ATP2B2: variants seen among roughly 807,000 people sequenced by gnomAD.
ATP2B2 encodes ATPase plasma membrane Ca2+ transporting 2, also known as plasma membrane calcium-transporting ATPase 2.
A neutral mutation model predicts 120.0 loss-of-function variants in ATP2B2; 15 were observed. The ratio of observed to expected loss-of-function variants is 0.12; its 90% CI spans 0.08 to 0.19. ATP2B2 has a LOEUF of 0.19. Among genes scored for constraint, ATP2B2 ranks in the 10% least tolerant of loss-of-function variants. The pLI is 1.00. For synonymous variants in ATP2B2, 694 were observed against 700.3 expected (o/e 0.99, Z 0.14); for missense variants, 1,045 against 1,719.8 (o/e 0.61, Z 6.94).
intron 2 of ATP2B2, among the ~76,000 whole-genome samples, chr3:10,435,767 G>A (rs2063461787): frequency 6.6e-6 from 1 of 152,084 alleles, no homozygotes; most frequent in Non-Finnish European, 1.5e-5. Flanking sequence ...TCTCCTGGCT[G>A]GGTCCTTCAG....
intron 1 of ATP2B2, among the ~76,000 whole-genome samples, chr3:10,676,025 T>C (rs1401372368): frequency 6.6e-6 from 1 of 152,232 alleles, no homozygotes; most frequent in Non-Finnish European, 1.5e-5. Flanking sequence ...TACTTGTGAA[T>C]GTATGTATTT....
At chr3:10,438,866 G>A (rs1460198657) in intron 2 of ATP2B2, among the ~76,000 whole-genome samples, 1 of 152,224 alleles carries the variant, frequency 6.6e-6, no homozygotes, top group Non-Finnish European at 1.5e-5. Context: ...AGGCCCGTGT[G>A]ACAGATGAGG....
At chr3:10,700,685 A>T (rs532106592) in intron 1 of ATP2B2, among the ~76,000 whole-genome samples, 2 of 152,388 alleles carry the variant, frequency 1.3e-5, no homozygotes, top group South Asian at 4.1e-4. Context: ...CCCTACTGGC[A>T]TCTGTTAGAA....
chr3:10,486,621 A>G (rs2065684227), intron 1 of ATP2B2, among the ~76,000 whole-genome samples: 1 of 152,108 alleles, frequency 6.6e-6, no homozygotes, highest in African/African-American at 2.4e-5. Flanking sequence ...ATCACCTACT[A>G]GCAAGGTCCT....
intron 2 of ATP2B2, among the ~76,000 whole-genome samples, chr3:10,543,628 TG>T (rs2067483822): frequency 6.6e-6 from 1 of 152,234 alleles, no homozygotes; most frequent in African/African-American, 2.4e-5. Context: ...GATTTGTTAT[TG>T]TTGTTTTTAA....
chr3:10,505,802 G>C (rs903722108), upstream of ATP2B2: 1 of 148,350 alleles, frequency 6.7e-6, no homozygotes, highest in Admixed American at 6.7e-5. Flanking sequence ...GGGGGCGGGG[G>C]GGGTGTGTGG....
At chr3:10,399,879 G>C (rs1045895924) in intron 5 of ATP2B2, among the ~76,000 whole-genome samples, 1 of 152,196 alleles carries the variant, frequency 6.6e-6, no homozygotes, top group African/African-American at 2.4e-5. Flanking sequence ...TCCTTCCTTG[G>C]CTTTCTCACA....
intron 3 of ATP2B2, among the ~76,000 whole-genome samples, chr3:10,410,279 C>A (rs533829078): frequency 6.6e-6 from 1 of 152,270 alleles, no homozygotes; most frequent in Admixed American, 6.5e-5. Context: ...CCCAGGGTTT[C>A]CTCATCTTTA....
intron 2 of ATP2B2, among the ~76,000 whole-genome samples, chr3:10,561,449 A>G (rs764686074): frequency 1.3e-5 from 2 of 152,196 alleles, no homozygotes; most frequent in South Asian, 2.1e-4. Context: ...AGGGGAGTGG[A>G]TCAGAATGTG....
chr3:10,663,530 C>T (rs1462804242), intron 1 of ATP2B2, among the ~76,000 whole-genome samples: 1 of 152,120 alleles, frequency 6.6e-6, no homozygotes, highest in African/African-American at 2.4e-5. Context: ...GGACCCATAC[C>T]CACCAGTCAC....
rs556490265 is a variant in ATP2B2 at position 10,346,208 on chromosome 3, T to C, written c.2405-71A>G. On this transcript the variant is annotated intron_variant, in intron 16 of 22. Transcript: ENST00000360273. This position sits in a 1 kb window ranked among gnomAD's most constrained non-coding sequence, Gnocchi z 4.1. ...AGGCAGCCTGGGCCAGCCCTGGTCC[T>C]CGGGAGGGGCCTGGCTGGGCATGGC... 2.0e-6 allele frequency: 3 copies of C among 1,485,886 alleles called. No homozygotes were observed. In the African/African-American group the frequency reaches 4.1e-5, roughly 20 times the overall value. The allele number at this position is 1,485,886 out of a possible 1,614,324, so 92.0% of individuals were successfully genotyped here.
intron 2 of ATP2B2, among the ~76,000 whole-genome samples, chr3:10,539,105 G>T (rs915601691): frequency 6.6e-6 from 1 of 152,152 alleles, no homozygotes; most frequent in Non-Finnish European, 1.5e-5. Context: ...CAAATCATGA[G>T]TGAACTCCCA....
At chr3:10,573,984 C>T (rs541281256) in intron 2 of ATP2B2, among the ~76,000 whole-genome samples, 1 of 152,122 alleles carries the variant, frequency 6.6e-6, no homozygotes, top group Non-Finnish European at 1.5e-5. Context: ...CCTGTCTCCC[C>T]CCATTATAAA....
At position 10,328,607 on chromosome 3, in the gene ATP2B2, C is replaced by T. The variant is rs953595429; in HGVS notation, c.*207G>A. 1.5e-5 allele frequency: 9 copies of T among 618,450 alleles called. No individual in the cohort carries two copies. The highest frequency in any genetic ancestry group is 2.2e-5 in the Non-Finnish European group (8 of 362,704). 38.3% of individuals were successfully genotyped at this position (618,450 alleles called of 1,614,324 possible). A position where few individuals can be genotyped will look rare whatever the true frequency, so the allele number is the denominator to read the frequency against. ...TAAGCCCCCAGTGGAGATCCCGCCC[C>T]TTGCCTTGAAGTGAAAAAGAGTTCA... On this transcript the variant is annotated 3_prime_UTR_variant, in exon 23 of 23. Transcript: ENST00000360273.
intron 1 of ATP2B2, among the ~76,000 whole-genome samples, chr3:10,649,559 G>C (rs2070400200): frequency 6.6e-6 from 1 of 152,168 alleles, no homozygotes; most frequent in Non-Finnish European, 1.5e-5. Flanking sequence ...TATTAGACTA[G>C]TTAACTCCCA....
At chr3:10,561,261 C>T (rs1359593628) in intron 2 of ATP2B2, among the ~76,000 whole-genome samples, 1 of 152,170 alleles carries the variant, frequency 6.6e-6, no homozygotes, top group Admixed American at 6.5e-5. Context: ...CAGTGCTCAA[C>T]TGATTGAATG....
At chr3:10,533,292 T>A (rs966721994) in intron 3 of ATP2B2, among the ~76,000 whole-genome samples, 2 of 152,236 alleles carry the variant, frequency 1.3e-5, no homozygotes, top group Admixed American at 6.5e-5. Context: ...GAGAGATGGC[T>A]GCCCCATTTA....
chr3:10,576,671 C>T (rs2068255286), intron 2 of ATP2B2, among the ~76,000 whole-genome samples: 1 of 152,072 alleles, frequency 6.6e-6, no homozygotes, highest in Admixed American at 6.5e-5. Context: ...TGAGCCACCA[C>T]ACCTGGCTCA....
At chr3:10,684,274 G>A (rs2071462849) in intron 1 of ATP2B2, among the ~76,000 whole-genome samples, 1 of 152,312 alleles carries the variant, frequency 6.6e-6, no homozygotes, top group South Asian at 2.1e-4. Flanking sequence ...TTTGTGAACT[G>A]GATATAAGAG....
Sources: gnomAD v4.1 joint callset for allele counts (sites outside exome capture counted in the v4.1 genomes callset) on GRCh38, gnomAD v4.1.1 for gene constraint, Gnocchi (gnomAD v3.1) non-coding constraint, MANE v1.5 for transcripts, NCBI Gene and HGNC (gene_info 2026-07-23, HGNC 2026-07-21) for gene names.